The following TMEM221 variants were observed in gnomAD, a reference collection of about 807,000 sequenced individuals.
TMEM221 encodes the protein Putative transmembrane protein ENSP00000342162.
TMEM221 carries 11 observed loss-of-function variants against 10.2 expected under a neutral mutation model. That is an observed-to-expected ratio of 1.08 (90% CI 0.68 to 1.79). The LOEUF (loss-of-function observed/expected upper bound fraction) is 1.79. Among genes scored for constraint, TMEM221 ranks in the 40% most tolerant of loss-of-function variants. The pLI is 0.00. For missense variants in TMEM221, 382 were observed against 417.7 expected (o/e 0.91, Z 0.75); for synonymous variants, 172 against 199.8 (o/e 0.86, Z 1.18).
Position 17,436,947 on chromosome 19 carries a change from T to C in TMEM221, c.407-20A>G. 7.2e-7 allele frequency: 1 copy of C among 1,383,136 alleles called. No individual in the cohort carries two copies. Among genetic ancestry groups the C allele is most frequent in the Admixed American group, 3.2e-5 (1 of 30,928 alleles). 85.7% of individuals were successfully genotyped at this position (1,383,136 alleles called of 1,614,324 possible). ...ACAGTGCTAGGGAAGGAAACGACTCTCATTTATTCAGTCAACAAACATTTG... is the reference window on the plus strand; with the variant it reads ...ACAGTGCTAGGGAAGGAAACGACTCCCATTTATTCAGTCAACAAACATTTG... On this transcript the variant is annotated intron_variant, in intron 2 of 2. Coordinates refer to ENST00000341130, the MANE Select transcript of TMEM221 (RefSeq NM_001190844.2).
chr19:17,438,120 G>C (rs879369896), intron 2 of TMEM221, among the ~76,000 whole-genome samples: 3 of 134,994 alleles, frequency 2.2e-5, no homozygotes, highest in Non-Finnish European at 4.7e-5. Flanking sequence ...ACAGAATCTT[G>C]CTCTGTCACC....
chr19:17,448,434 A>G lies in TMEM221; in HGVS notation c.29T>C (p.Leu10Pro), dbSNP rs1948540200. Residue 10 changes from leucine to proline, a missense_variant, in exon 1 of 3, where the codon CTG (leucine) becomes CCG (proline). Leu to Pro is a moderately conservative substitution (Grantham distance 98, BLOSUM62 -3). Coordinates refer to ENST00000341130, the MANE Select transcript of TMEM221 (RefSeq NM_001190844.2). This position sits in a 1 kb window ranked among gnomAD's most constrained non-coding sequence, Gnocchi z 4.7. Reference sequence around the variant, plus strand: ...GATGCCCAGCAGGGTCATTGCAGCCAGCACCCGGCCGCCGTAAGAACGGGC... The same window carrying G: ...GATGCCCAGCAGGGTCATTGCAGCCGGCACCCGGCCGCCGTAAGAACGGGC... MARSYGGRV[L>P]AAMTLLGIAA... is the part of the protein sequence containing the mutation. 1 of 1,482,004 alleles carries G rather than the reference A, an allele frequency of 6.7e-7. No individual in the cohort carries two copies. The highest frequency in any genetic ancestry group is 8.9e-7 in the Non-Finnish European group (1 of 1,123,100). 91.8% of individuals were successfully genotyped at this position (1,482,004 alleles called of 1,614,324 possible).
Position 17,445,228 on chromosome 19 carries a change from A to C in TMEM221, c.377T>G (p.Phe126Cys), listed in dbSNP as rs1429735035. ...RLLRHVALGLFCCGISVYLAA... is the reference protein window; with the variant it reads ...RLLRHVALGLCCCGISVYLAA... Reference sequence around the variant, plus strand: ...TAAATAGACGGAGATCCCACAGCAGAAAAGGCCAAGGGCCACATGTCTGAG... The same window carrying C: ...TAAATAGACGGAGATCCCACAGCAGCAAAGGCCAAGGGCCACATGTCTGAG... Residue 126 changes from phenylalanine to cysteine, a missense_variant, in exon 2 of 3, where the codon TTC (phenylalanine) becomes TGC (cysteine). Phe to Cys is a radical substitution (Grantham distance 205, BLOSUM62 -2). Transcript: ENST00000341130. 1 of 1,535,802 alleles carries C rather than the reference A, an allele frequency of 6.5e-7. No homozygotes were observed. The highest frequency in any genetic ancestry group is 8.7e-7 in the Non-Finnish European group (1 of 1,146,704).
intron 2 of TMEM221, among the ~76,000 whole-genome samples, chr19:17,440,768 C>G (rs1056028048): frequency 6.6e-6 from 1 of 152,122 alleles, no homozygotes; most frequent in African/African-American, 2.4e-5. Context: ...CTGTCTCTGC[C>G]TGGGGTGGGG....
In TMEM221 at chr19:17,448,319, C is replaced by A; in HGVS notation, c.144G>T (p.Gly48=). ...RAELRGLRAE[G]LGQELGAGPG... is the part of the protein sequence containing the mutation. ...GGCCGGCGCCCAGCTCCTGGCCCAG[C>A]CCCTCGGCGCGCAGCCCCCGCAGCT... The change falls in exon 1 of 3, where the codon GGG becomes GGT. Residue 48 remains glycine (G), a synonymous_variant. Coordinates refer to ENST00000341130, the MANE Select transcript of TMEM221 (RefSeq NM_001190844.2). The surrounding 1 kb of genome is among the most constrained non-coding windows in gnomAD (Gnocchi z 4.7). 7.9e-7 allele frequency: 1 copy of A among 1,273,250 alleles called. No homozygotes were observed. The highest frequency in any genetic ancestry group is 9.9e-7 in the Non-Finnish European group (1 of 1,010,636). The allele number at this position is 1,273,250 out of a possible 1,614,324, so 78.9% of individuals were successfully genotyped here. A position where few individuals can be genotyped will look rare whatever the true frequency, so the allele number is the denominator to read the frequency against.
chr19:17,437,846 G>A (rs1158279230), intron 2 of TMEM221, among the ~76,000 whole-genome samples: 1 of 152,012 alleles, frequency 6.6e-6, no homozygotes, highest in African/African-American at 2.4e-5. Flanking sequence ...ATGAGGGTGG[G>A]GGCCACAGAA....
chr19:17,448,104 C>T lies in TMEM221; in HGVS notation c.320+39G>A. On this transcript the variant is annotated intron_variant, in intron 1 of 2. Transcript: ENST00000341130. This position sits in a 1 kb window ranked among gnomAD's most constrained non-coding sequence, Gnocchi z 4.7. ...AGGCTCAACCAGGCTCACCCAGCCC[C>T]CAGCCGGGCCTCCGAGGCGGTGAGG... The T allele has an allele frequency of 7.6e-7, 1 of 1,316,716 alleles. No individual in the cohort carries two copies. Among genetic ancestry groups the T allele is most frequent in the East Asian group, 3.2e-5 (1 of 31,738 alleles). 81.6% of individuals were successfully genotyped at this position (1,316,716 alleles called of 1,614,324 possible). A position where few individuals can be genotyped will look rare whatever the true frequency, so the allele number is the denominator to read the frequency against.
intron 2 of TMEM221, among the ~76,000 whole-genome samples, chr19:17,442,806 C>T (rs997961472): frequency 6.6e-6 from 1 of 151,974 alleles, no homozygotes; most frequent in Middle Eastern, 3.4e-3. Flanking sequence ...CTTCCCCTGA[C>T]AATTTCAGAT....
chr19:17,440,858 G>A (rs937407646), intron 2 of TMEM221, among the ~76,000 whole-genome samples: 1 of 152,096 alleles, frequency 6.6e-6, no homozygotes, highest in Non-Finnish European at 1.5e-5. Context: ...AGGCTTGGGG[G>A]GCATTGAGAG....
Position 17,445,190 on chromosome 19 carries a change from A to G in TMEM221, c.406+9T>C. On this transcript the variant is annotated intron_variant, in intron 2 of 2. Coordinates refer to ENST00000341130, the MANE Select transcript of TMEM221 (RefSeq NM_001190844.2). Reference sequence around the variant, plus strand: ...GGTCCCATGCCCCACGTTCTATTCCAGCACACACCTGCTAAATAGACGGAG... The same window carrying G: ...GGTCCCATGCCCCACGTTCTATTCCGGCACACACCTGCTAAATAGACGGAG... The G allele has an allele frequency of 6.5e-7, 1 of 1,534,862 alleles. No individual in the cohort carries two copies. The highest frequency in any genetic ancestry group is 8.7e-7 in the Non-Finnish European group (1 of 1,145,890).
At chr19:17,439,326 C>T (rs2074922499) in intron 2 of TMEM221, among the ~76,000 whole-genome samples, 1 of 151,936 alleles carries the variant, frequency 6.6e-6, no homozygotes, top group Non-Finnish European at 1.5e-5. Flanking sequence ...AAACATCGTT[C>T]TGAGTGAGAG....
At chr19:17,440,221 TA>T (rs141864434) in intron 2 of TMEM221, among the ~76,000 whole-genome samples, 45 of 96,966 alleles carry the variant, frequency 4.6e-4, no homozygotes, top group Non-Finnish European at 8.8e-4. Flanking sequence ...GTTAAAATGG[TA>T]TTTTTTTTTT....
chr19:17,439,331 T>G (rs1408620072), intron 2 of TMEM221, among the ~76,000 whole-genome samples: 2 of 151,546 alleles, frequency 1.3e-5, no homozygotes, highest in Non-Finnish European at 2.9e-5. Flanking sequence ...TCGTTCTGAG[T>G]GAGAGAAGCC....
intron 2 of TMEM221, among the ~76,000 whole-genome samples, chr19:17,441,718 T>G (rs1234648170): frequency 1.4e-5 from 2 of 147,342 alleles, no homozygotes; most frequent in East Asian, 3.9e-4. Flanking sequence ...CATGGGGGAC[T>G]TTTTTTTTTG....
chr19:17,446,620 C>T (rs868116974), intron 1 of TMEM221, among the ~76,000 whole-genome samples: 13 of 152,140 alleles, frequency 8.5e-5, no homozygotes, highest in African/African-American at 2.7e-4. Flanking sequence ...TCACCTTCCT[C>T]CTTACTCACA....
chr19:17,443,001 G>A (rs948496462), intron 2 of TMEM221, among the ~76,000 whole-genome samples: 1 of 151,998 alleles, frequency 6.6e-6, no homozygotes, highest in African/African-American at 2.4e-5. Context: ...GCTCAGGGCC[G>A]GGCGTGGTGG....
Position 17,436,736 on chromosome 19 carries a change from C to A in TMEM221, c.598G>T (p.Glu200Ter). Residue 200 changes from glutamate (E) to a stop codon, truncating the protein, a stop_gained, in exon 3 of 3, where the codon GAA becomes TAA. Coordinates refer to ENST00000341130, the MANE Select transcript of TMEM221 (RefSeq NM_001190844.2). LOFTEE classifies it low-confidence loss of function (END_TRUNC). ...GCTCTGGGGCTGGCCTTGGAGACTTCGGCAGGGCGGGCGAGGTCGTCTTCA... is the reference window on the plus strand; with the variant it reads ...GCTCTGGGGCTGGCCTTGGAGACTTAGGCAGGGCGGGCGAGGTCGTCTTCA... Reference protein sequence around the residue: ...SFEDDLARPAEVSKASPRAQP... With the variant: ...SFEDDLARPA The A allele has an allele frequency of 6.6e-7, 1 of 1,526,516 alleles. No homozygotes were observed. The highest frequency in any genetic ancestry group is 8.8e-7 in the Non-Finnish European group (1 of 1,141,120). The allele number at this position is 1,526,516 out of a possible 1,614,324, so 94.6% of individuals were successfully genotyped here. A position where few individuals can be genotyped will look rare whatever the true frequency, so the allele number is the denominator to read the frequency against.
rs768784255 is a variant in TMEM221 at position 17,436,755 on chromosome 19, G to A, written c.579C>T (p.Asp193=). The A allele has an allele frequency of 3.1e-5, 47 of 1,522,342 alleles. No individual in the cohort carries two copies. Among genetic ancestry groups the A allele is most frequent in the Middle Eastern group, 1.7e-4 (1 of 5,944 alleles). 94.3% of individuals were successfully genotyped at this position (1,522,342 alleles called of 1,614,324 possible). The stretch of plus-strand genomic sequence containing the variant: ...AGACTTCGGCAGGGCGGGCGAGGTC[G>A]TCTTCAAAGGATGGCGGGGACAACT... ...LHELSPPSFE[D]DLARPAEVSK... The change falls in exon 3 of 3, where the codon GAC becomes GAT. Residue 193 remains aspartate, a synonymous_variant. Transcript: ENST00000341130.
At chr19:17,440,295 C>T (rs573288271) in intron 2 of TMEM221, among the ~76,000 whole-genome samples, 5 of 145,058 alleles carry the variant, frequency 3.4e-5, no homozygotes, top group South Asian at 4.3e-4. Context: ...GGCGCAATCT[C>T]GGCTCACTGC....
Sources: allele counts gnomAD v4.1 joint callset (sites outside exome capture counted in the v4.1 genomes callset), GRCh38; gene constraint gnomAD v4.1.1; non-coding constraint Gnocchi (gnomAD v3.1); transcripts MANE v1.5; gene names NCBI Gene and HGNC (gene_info 2026-07-23, HGNC 2026-07-21).